The following PCYT1B variants were observed in gnomAD, a reference collection of about 807,000 sequenced individuals.
PCYT1B encodes choline-phosphate cytidylyltransferase B.
In PCYT1B, 10 loss-of-function variants were observed where a neutral mutation model predicts 26.4. The ratio of observed to expected loss-of-function variants is 0.38; its 90% CI spans 0.23 to 0.64. The LOEUF is 0.64. PCYT1B is among the 30% of genes least tolerant of loss of function. PCYT1B has a pLI of 0.56. For synonymous variants in PCYT1B, 131 were observed against 108.4 expected (o/e 1.21, Z -1.29); for missense variants, 161 against 292.7 (o/e 0.55, Z 3.28).
chrX:24,640,390 GTCT>G (rs1192105260), intron 1 of PCYT1B, among the ~76,000 whole-genome samples: 1 of 112,320 alleles, frequency 8.9e-6, no homozygotes, highest in East Asian at 2.8e-4. Flanking sequence ...ATACTTCTCT[GTCT>G]TCTTTTCATG....
intron 1 of PCYT1B, among the ~76,000 whole-genome samples, chrX:24,641,426 T>C (rs960832244): frequency 8.9e-6 from 1 of 112,647 alleles, no homozygotes; most frequent in African/African-American, 3.2e-5. Context: ...TAGGATAGCA[T>C]AGAAAGTATA....
chrX:24,672,729 G>A, upstream of PCYT1B: 1 of 654,607 alleles, frequency 1.5e-6, no homozygotes, highest in Non-Finnish European at 2.4e-6. Flanking sequence ...TTGACCAAAG[G>A]TCAAGCAGGC....
chrX:24,575,075 G>T, intron 7 of PCYT1B, 55 bp downstream of exon 7: 2 of 998,622 alleles, frequency 2.0e-6, no homozygotes, highest in Non-Finnish European at 2.7e-6. Flanking sequence ...TCCATAAAAA[G>T]GAGGATAAAC....
chrX:24,642,971 G>A (rs918198568), intron 1 of PCYT1B, among the ~76,000 whole-genome samples: 5 of 111,972 alleles, frequency 4.5e-5, no homozygotes, highest in Non-Finnish European at 9.4e-5. Flanking sequence ...TGCTAATGTG[G>A]CATGTTGAAC....
intron 3 of PCYT1B, among the ~76,000 whole-genome samples, chrX:24,598,793 T>G (rs1369036157): frequency 8.9e-6 from 1 of 111,937 alleles, no homozygotes; most frequent in Non-Finnish European, 1.9e-5. Flanking sequence ...GAACTGAAAA[T>G]ACATTAATGC....
At chrX:24,643,277 G>A (rs1176223448) in intron 1 of PCYT1B, among the ~76,000 whole-genome samples, 1 of 77,629 alleles carries the variant, frequency 1.3e-5, no homozygotes, top group Non-Finnish European at 2.8e-5. Flanking sequence ...TGTATCTCAG[G>A]AGTTAGATTT....
intron 5 of PCYT1B, among the ~76,000 whole-genome samples, chrX:24,582,969 T>C (rs1924252767): frequency 8.9e-6 from 1 of 111,847 alleles, no homozygotes; most frequent in African/African-American, 3.2e-5. Flanking sequence ...GAAGGGTCCT[T>C]GCACATAGGA....
upstream of PCYT1B, among the ~76,000 whole-genome samples, chrX:24,649,253 C>A (rs752086937): frequency 1.5e-4 from 17 of 111,666 alleles, no homozygotes; most frequent in Non-Finnish European, 2.8e-4. Flanking sequence ...GGGTGACGTG[C>A]AAATGACATG....
chrX:24,604,473 A>C (rs763842861), intron 3 of PCYT1B, among the ~76,000 whole-genome samples: 33 of 112,192 alleles, frequency 2.9e-4, no homozygotes, highest in Non-Finnish European at 5.3e-4. Flanking sequence ...TGAGATGATA[A>C]GAATAAGAAA....
chrX:24,638,115 T>A (rs1926352562), intron 1 of PCYT1B, among the ~76,000 whole-genome samples: 1 of 111,365 alleles, frequency 9.0e-6, no homozygotes, highest in Non-Finnish European at 1.9e-5. Flanking sequence ...TTTTCTTAAA[T>A]GACAGTTTAA....
At chrX:24,628,495 A>C (rs1328257312) in intron 1 of PCYT1B, among the ~76,000 whole-genome samples, 2 of 111,733 alleles carry the variant, frequency 1.8e-5, no homozygotes, top group East Asian at 5.6e-4. Context: ...CATAATATAT[A>C]TTATAGAAAA....
At chrX:24,584,779 A>G (rs1924314797) in intron 5 of PCYT1B, among the ~76,000 whole-genome samples, 1 of 112,017 alleles carries the variant, frequency 8.9e-6, no homozygotes, top group Non-Finnish European at 1.9e-5. Context: ...GAACTCGATG[A>G]CTTCAGGGGG....
In PCYT1B at chrX:24,579,369, G is replaced by A; in HGVS notation, c.655C>T (p.Arg219Cys). Residue 219 changes from arginine (R) to cysteine (C), a missense_variant, in exon 6 of 8, where the codon CGT becomes TGT. This residue lies in a region of PCYT1B where 65 missense variants were observed against 145.0 expected (regional missense o/e 0.45). Transcript: ENST00000379144. ...IVRDYDVYAR[R>C]NLQRGYTAKE... is the part of the protein sequence containing the mutation. ...GCTGTATACCCTCTCTGGAGGTTAC[G>A]TCGGGCATAAACATCATAGTCACGA... The A allele has an allele frequency of 5.0e-6, 6 of 1,208,494 alleles. No homozygotes were observed. The highest frequency in any genetic ancestry group is 5.6e-6 in the Non-Finnish European group (5 of 892,888).
At chrX:24,573,672 A>G (rs1021033604) in intron 7 of PCYT1B, among the ~76,000 whole-genome samples, 1 of 111,889 alleles carries the variant, frequency 8.9e-6, no homozygotes, top group African/African-American at 3.2e-5. Context: ...ACCATATGTC[A>G]TAGAGACGAG....
At chrX:24,638,502 C>T (rs61760937) in intron 1 of PCYT1B, among the ~76,000 whole-genome samples, 56 of 112,260 alleles carry the variant, frequency 5.0e-4, no homozygotes, top group Non-Finnish European at 9.6e-4. Context: ...CAGATCCTAG[C>T]AAGGTAGAGG....
At chrX:24,594,173 T>C (rs1207560403) in intron 3 of PCYT1B, among the ~76,000 whole-genome samples, 1 of 111,421 alleles carries the variant, frequency 9.0e-6, no homozygotes, top group Non-Finnish European at 1.9e-5. Context: ...AAGCATATTA[T>C]AAATAACTTG....
chrX:24,624,941 C>T (rs1409539523), intron 1 of PCYT1B, among the ~76,000 whole-genome samples: 3 of 112,593 alleles, frequency 2.7e-5, no homozygotes, highest in Non-Finnish European at 3.7e-5. Context: ...TTAGAGTGAG[C>T]CATCTGTGTC....
intron 1 of PCYT1B, among the ~76,000 whole-genome samples, chrX:24,667,479 G>GT (rs1927150386): frequency 1.8e-5 from 2 of 111,231 alleles, no homozygotes; most frequent in African/African-American, 6.5e-5. Flanking sequence ...CACTTTGGGA[G>GT]GCCGAGGCGG....
At chrX:24,644,609 C>T (rs1221313929) in intron 1 of PCYT1B, among the ~76,000 whole-genome samples, 1 of 111,473 alleles carries the variant, frequency 9.0e-6, no homozygotes, top group East Asian at 2.8e-4. Flanking sequence ...GCTCTGCCCC[C>T]TTCAAAGCAG....
Sources: allele counts gnomAD v4.1 joint callset (sites outside exome capture counted in the v4.1 genomes callset), GRCh38; gene constraint gnomAD v4.1.1; regional missense constraint gnomAD v4.1.1; transcripts MANE v1.5; gene names NCBI Gene and HGNC (gene_info 2026-07-23, HGNC 2026-07-21).